Variants in FRY observed in about 807,000 individuals in gnomAD.
FRY encodes the protein protein furry homolog.
Under a neutral mutation model 348.4 loss-of-function variants are expected in FRY, and 128 were observed. The observed-to-expected ratio is 0.37, with a 90% CI of 0.32 to 0.43. The LOEUF (loss-of-function observed/expected upper bound fraction) is 0.43, where lower values mean the gene tolerates loss of function less well. FRY is among the 20% of genes least tolerant of loss of function. FRY has a pLI of 1.00. For synonymous variants in FRY, 1,370 were observed against 1,374.7 expected (o/e 1.00, Z 0.08); for missense variants, 2,736 against 3,695.2 (o/e 0.74, Z 6.73).
At chr13:32,085,437 T>G (rs543585636) in intron 2 of FRY, among the ~76,000 whole-genome samples, 2 of 152,322 alleles carry the variant, frequency 1.3e-5, no homozygotes, top group East Asian at 3.9e-4. Context: ...AGAGATAAAG[T>G]TAAAGACAAA....
Position 32,135,134 on chromosome 13 carries a change from G to C in FRY, c.1028G>C (p.Ser343Thr). 6.2e-7 allele frequency: 1 copy of C among 1,613,332 alleles called. No homozygotes were observed. The highest frequency in any genetic ancestry group is 8.5e-7 in the Non-Finnish European group (1 of 1,179,308). Reference sequence around the variant, plus strand: ...CCCTGCCTTAGAAATTTTGTGGAAAGCCTGTATGACACCACGCTGGAACTT... The same window carrying C: ...CCCTGCCTTAGAAATTTTGTGGAAACCCTGTATGACACCACGCTGGAACTT... ...NVPCLRNFVESLYDTTLELSS... is the reference protein window; with the variant it reads ...NVPCLRNFVETLYDTTLELSS... The change falls in exon 10 of 61, where the codon AGC becomes ACC. Residue 343 changes from serine (S) to threonine (T), a missense_variant. Transcript: ENST00000542859.
chr13:32,067,532 A>G (rs1439800450), intron 1 of FRY, among the ~76,000 whole-genome samples: 1 of 152,240 alleles, frequency 6.6e-6, no homozygotes, highest in African/African-American at 2.4e-5. Flanking sequence ...TAGAGAGGAT[A>G]GATGATAGAA....
At chr13:32,222,663 G>T (rs1478213086) in intron 36 of FRY, among the ~76,000 whole-genome samples, 1 of 152,154 alleles carries the variant, frequency 6.6e-6, no homozygotes, top group Non-Finnish European at 1.5e-5. Flanking sequence ...TCAGATTCTG[G>T]AGATGTTTTG....
intron 40 of FRY, 89 bp downstream of exon 40, chr13:32,228,743 TC>T (rs1885749003): frequency 9.2e-7 from 1 of 1,090,524 alleles, no homozygotes; most frequent in South Asian, 1.3e-5. Context: ...GGAAAAGTGA[TC>T]CTGGGGTTCT....
At chr13:32,247,848 G>T (rs1167530728) in intron 48 of FRY, among the ~76,000 whole-genome samples, 1 of 152,158 alleles carries the variant, frequency 6.6e-6, no homozygotes, top group African/African-American at 2.4e-5. Context: ...GTTTCTCCCT[G>T]AATGACAGCC....
intron 7 of FRY, 74 bp from the exon 8 acceptor site, chr13:32,131,598 C>G (rs1210159598): frequency 2.0e-6 from 2 of 997,024 alleles, no homozygotes; most frequent in East Asian, 2.4e-5. Flanking sequence ...TCAATCACTC[C>G]CAGATGCTGG....
In FRY at chr13:32,267,187, G is replaced by A; in HGVS notation, c.7964G>A (p.Arg2655Lys). 6.2e-7 allele frequency: 1 copy of A among 1,612,302 alleles called. No homozygotes were observed. Among genetic ancestry groups the A allele is most frequent in the Non-Finnish European group, 8.5e-7 (1 of 1,178,816 alleles). Reference protein sequence around the residue: ...FTLASFGEGDRGVSPPPSPFF... With the variant: ...FTLASFGEGDKGVSPPPSPFF... Reference sequence around the variant, plus strand: ...TTTTCCAGCTTTGGAGAAGGTGACAGGGGAGTCTCTCCCCCTCCCTCGCCC... The same window carrying A: ...TTTTCCAGCTTTGGAGAAGGTGACAAGGGAGTCTCTCCCCCTCCCTCGCCC... The change falls in exon 55 of 61, where the codon AGG becomes AAG. Residue 2655 changes from arginine (R) to lysine (K), a missense_variant. Coordinates refer to ENST00000542859, the MANE Select transcript of FRY (RefSeq NM_023037.3).
At position 32,059,670 on chromosome 13, in the gene FRY, A is replaced by G. The variant is rs1593569329; in HGVS notation, c.71-19164A>G. On this transcript the variant is annotated intron_variant, in intron 1 of 60. Coordinates refer to ENST00000542859, the MANE Select transcript of FRY (RefSeq NM_023037.3). ...GTGTACCTTGTACCCAGTAGGTGGT[A>G]TTTCATCCCCTCACACCCCTCCCAC... is the stretch of plus-strand genomic sequence containing the variant. Among the ~76,000 whole-genome samples, 4 of 92,976 alleles carry G rather than the reference A, an allele frequency of 4.3e-5. 1 individual carries two copies. The South Asian group carries it at 1.4e-3, about 32-fold the overall frequency. 61.0% of individuals were successfully genotyped at this position (92,976 alleles called of 152,430 possible).
intron 4 of FRY, among the ~76,000 whole-genome samples, chr13:32,119,782 G>A (rs1878536376): frequency 6.6e-6 from 1 of 152,166 alleles, no homozygotes; most frequent in Non-Finnish European, 1.5e-5. Flanking sequence ...GGGTCTTGAA[G>A]GACTTTAGAT....
intron 1 of FRY, among the ~76,000 whole-genome samples, chr13:32,057,458 C>A (rs953342829): frequency 3.3e-5 from 5 of 152,132 alleles, no homozygotes; most frequent in South Asian, 2.1e-4. Flanking sequence ...AGGCATGAGC[C>A]ACCACACCTG....
intron 3 of FRY, among the ~76,000 whole-genome samples, chr13:32,110,364 C>A (rs572381752): frequency 6.6e-6 from 1 of 152,204 alleles, no homozygotes; most frequent in Admixed American, 6.5e-5. Context: ...CAATAAAAGT[C>A]CACAGCATTT....
intron 17 of FRY, among the ~76,000 whole-genome samples, chr13:32,169,837 C>T (rs1881954663): frequency 6.6e-6 from 1 of 152,324 alleles, no homozygotes; most frequent in East Asian, 1.9e-4. Flanking sequence ...TAGCAGTAAT[C>T]CATCCTACCA....
chr13:32,092,372 T>C (rs1346973137), intron 2 of FRY, among the ~76,000 whole-genome samples: 1 of 152,250 alleles, frequency 6.6e-6, no homozygotes, highest in Non-Finnish European at 1.5e-5. Flanking sequence ...TCTGGCCATC[T>C]TTCTTTCCTC....
intron 8 of FRY, among the ~76,000 whole-genome samples, chr13:32,133,564 G>GA (rs1275949388): frequency 6.6e-6 from 1 of 152,044 alleles, no homozygotes; most frequent in Non-Finnish European, 1.5e-5. Context: ...ATCTGTATAG[G>GA]AAAGCTGTTT....
chr13:32,235,294 C>T (rs1407845745), intron 42 of FRY, among the ~76,000 whole-genome samples: 3 of 152,224 alleles, frequency 2.0e-5, no homozygotes, highest in Non-Finnish European at 4.4e-5. Context: ...GCTGGCATTA[C>T]AAGCTCTCTG....
intron 58 of FRY, among the ~76,000 whole-genome samples, chr13:32,281,772 A>C (rs1566193156): frequency 6.6e-6 from 1 of 152,192 alleles, no homozygotes; most frequent in Non-Finnish European, 1.5e-5. Context: ...TAACAAAAGA[A>C]GTTGGCAATC....
intron 1 of FRY, among the ~76,000 whole-genome samples, chr13:32,047,230 C>G (rs776777314): frequency 2.0e-5 from 3 of 152,174 alleles, no homozygotes; most frequent in Non-Finnish European, 2.9e-5. Flanking sequence ...AGTAATTTGC[C>G]TAATTAATGC....
intron 35 of FRY, among the ~76,000 whole-genome samples, chr13:32,217,691 G>A (rs1041407254): frequency 6.6e-6 from 1 of 152,106 alleles, no homozygotes; most frequent in Non-Finnish European, 1.5e-5. Context: ...ACCTCCCTGC[G>A]GTCAACACTA....
At chr13:32,231,491 G>A (rs1418889692) in intron 41 of FRY, among the ~76,000 whole-genome samples, 191 bp downstream of exon 41, 1 of 152,122 alleles carries the variant, frequency 6.6e-6, no homozygotes, top group Non-Finnish European at 1.5e-5. Context: ...GTGTATATTT[G>A]CATTATGCTA....
Sources: allele counts gnomAD v4.1 joint callset (sites outside exome capture counted in the v4.1 genomes callset), GRCh38; gene constraint gnomAD v4.1.1; transcripts MANE v1.5; gene names NCBI Gene and HGNC (gene_info 2026-07-23, HGNC 2026-07-21).